HNF4G: variants seen among roughly 807,000 people sequenced by gnomAD.
HNF4G encodes hepatocyte nuclear factor 4 gamma.
Under a neutral mutation model 50.9 loss-of-function variants are expected in HNF4G, and 21 were observed. The observed-to-expected ratio is 0.41, with a 90% CI of 0.29 to 0.59. The LOEUF is 0.59. Among genes scored for constraint, HNF4G ranks in the 20% least tolerant of loss-of-function variants. The probability of loss-of-function intolerance (pLI) is 0.26; values close to 1 mark genes in which losing one functional copy is unlikely to be tolerated. For missense variants in HNF4G, 527 were observed against 559.4 expected, an observed-to-expected ratio of 0.94 and a Z score of 0.58; for synonymous variants, 198 against 185.6, an observed-to-expected ratio of 1.07 and a Z score of -0.54.
intron 1 of HNF4G, among the ~76,000 whole-genome samples, chr8:75,463,072 T>G (rs1811891258): frequency 6.6e-6 from 1 of 151,604 alleles, no homozygotes; most frequent in South Asian, 2.1e-4. Flanking sequence ...TTTTGTTTTT[T>G]TTTTTTCTGT....
chr8:75,417,391 G>A (rs866753610), intron 1 of HNF4G, among the ~76,000 whole-genome samples: 13 of 152,178 alleles, frequency 8.5e-5, no homozygotes, highest in African/African-American at 2.2e-4. Context: ...AACTCTATAC[G>A]GTATAAGATA....
chr8:75,530,430 T>TAAAA (rs5892497), intron 2 of HNF4G, among the ~76,000 whole-genome samples: 22 of 146,544 alleles, frequency 1.5e-4, no homozygotes, highest in Middle Eastern at 3.7e-3. Context: ...CCACCAGTAA[T>TAAAA]AAAAAAAAAA....
chr8:75,541,035 A>G (rs1806606178), intron 1 of HNF4G, among the ~76,000 whole-genome samples: 1 of 152,088 alleles, frequency 6.6e-6, no homozygotes, highest in African/African-American at 2.4e-5. Context: ...TGAATTCTGA[A>G]AATTTAGCAC....
At chr8:75,448,441 A>AT (rs1554570362) in intron 1 of HNF4G, among the ~76,000 whole-genome samples, 7,024 of 35,926 alleles carry the variant, frequency 0.2, 543 homozygotes, top group African/African-American at 0.43. Flanking sequence ...AAAAAAAAAA[A>AT]AAAGTGTCAG....
At chr8:75,502,782 T>G (rs2130708519) in intron 2 of HNF4G, among the ~76,000 whole-genome samples, 1 of 152,330 alleles carries the variant, frequency 6.6e-6, no homozygotes, top group African/African-American at 2.4e-5. Context: ...TCAGAAATTC[T>G]TCCTTTAGAA....
intron 2 of HNF4G, among the ~76,000 whole-genome samples, chr8:75,534,756 A>G (rs1326851467): frequency 6.6e-6 from 1 of 151,834 alleles, no homozygotes; most frequent in Non-Finnish European, 1.5e-5. Flanking sequence ...GATGTGATAA[A>G]GATTTAAAAT....
chr8:75,495,010 C>T (rs942064900), intron 2 of HNF4G, among the ~76,000 whole-genome samples: 6 of 152,042 alleles, frequency 3.9e-5, no homozygotes, highest in Non-Finnish European at 8.8e-5. Context: ...GCCAGTAGTA[C>T]ACTGGTATAT....
intron 2 of HNF4G, among the ~76,000 whole-genome samples, chr8:75,521,625 G>A (rs919126369): frequency 4.6e-5 from 7 of 152,074 alleles, no homozygotes; most frequent in South Asian, 2.1e-4. Context: ...GCTATGATCC[G>A]AGATAAATGT....
intron 1 of HNF4G, among the ~76,000 whole-genome samples, chr8:75,411,023 T>A (rs569788527): frequency 2.0e-5 from 3 of 152,336 alleles, no homozygotes; most frequent in African/African-American, 7.2e-5. Context: ...TAGATTCTTA[T>A]AACAATCCTG....
At chr8:75,505,426 G>A (rs1047376964) in intron 2 of HNF4G, among the ~76,000 whole-genome samples, 1 of 152,052 alleles carries the variant, frequency 6.6e-6, no homozygotes, top group African/African-American at 2.4e-5. Context: ...ACCTGAGTTG[G>A]CTTCTCTTTC....
chr8:75,407,934 G>A (rs1810401739), upstream of HNF4G: 1 of 152,062 alleles, frequency 6.6e-6, no homozygotes, highest in African/African-American at 2.4e-5. Flanking sequence ...GGCTGACTGC[G>A]ACTCGGGAGC....
At chr8:75,563,885 A>G (rs1270478953) in intron 9 of HNF4G, 90 bp from the exon 10 acceptor site, 4 of 1,385,452 alleles carry the variant, frequency 2.9e-6, no homozygotes, top group Non-Finnish European at 4.0e-6. Context: ...TTTCCAAATT[A>G]CGCTAATGTG....
At chr8:75,450,552 C>T (rs1185141906) in intron 1 of HNF4G, among the ~76,000 whole-genome samples, 1 of 152,132 alleles carries the variant, frequency 6.6e-6, no homozygotes, top group Non-Finnish European at 1.5e-5. Context: ...ACATTCTCAC[C>T]AACTGTGTAT....
intron 3 of HNF4G, among the ~76,000 whole-genome samples, chr8:75,549,518 A>G (rs538887759): frequency 6.6e-6 from 1 of 151,600 alleles, no homozygotes; most frequent in South Asian, 2.1e-4. Flanking sequence ...AATATTACTG[A>G]TTCACTCCAA....
intron 1 of HNF4G, among the ~76,000 whole-genome samples, chr8:75,458,961 A>C (rs551074082): frequency 6.6e-6 from 1 of 152,270 alleles, no homozygotes; most frequent in South Asian, 2.1e-4. Context: ...TCTTTATCTC[A>C]GGCAATAAAG....
chr8:75,430,921 T>C (rs1192363505), intron 1 of HNF4G, among the ~76,000 whole-genome samples: 1 of 152,142 alleles, frequency 6.6e-6, no homozygotes, highest in African/African-American at 2.4e-5. Context: ...ATTTCATTTG[T>C]AGAATGTAAA....
At chr8:75,475,705 GT>G (rs1026551647) in intron 1 of HNF4G, among the ~76,000 whole-genome samples, 2 of 152,118 alleles carry the variant, frequency 1.3e-5, no homozygotes, top group African/African-American at 2.4e-5. Context: ...CAGCTTCAGA[GT>G]TTTTTTATTT....
At chr8:75,430,503 GGAGAGAGA>G in intron 1 of HNF4G, among the ~76,000 whole-genome samples, 1 of 123,334 alleles carries the variant, frequency 8.1e-6, no homozygotes, top group South Asian at 2.5e-4. Flanking sequence ...AGAGAGAGAG[GGAGAGAGA>G]GAGAGAGAGA....
At chr8:75,429,033 A>C (rs1011119801) in intron 1 of HNF4G, among the ~76,000 whole-genome samples, 1 of 152,160 alleles carries the variant, frequency 6.6e-6, no homozygotes, top group African/African-American at 2.4e-5. Flanking sequence ...ATTTCAGAGA[A>C]ATTTTGAGGG....
Sources: allele counts gnomAD v4.1 joint callset (sites outside exome capture counted in the v4.1 genomes callset), GRCh38; gene constraint gnomAD v4.1.1; transcripts MANE v1.5; gene names NCBI Gene and HGNC (gene_info 2026-07-23, HGNC 2026-07-21).